RAD51: variants seen among roughly 807,000 people sequenced by gnomAD.
RAD51 encodes DNA repair protein RAD51 homolog 1.
A neutral mutation model predicts 41.5 loss-of-function variants in RAD51; 14 were observed. That is an observed-to-expected ratio of 0.34 (90% CI 0.22 to 0.53). RAD51 has a LOEUF of 0.53. Ranked by LOEUF, RAD51 falls within the 20% of genes least tolerant of loss-of-function variation. RAD51 has a pLI of 0.95. For missense variants in RAD51, 234 were observed against 422.0 expected (o/e 0.55, Z 3.90); for synonymous variants, 136 against 148.6 (o/e 0.92, Z 0.62).
chr15:40,704,670 A>ATT (rs34658879), intron 3 of RAD51, among the ~76,000 whole-genome samples: 1 of 133,314 alleles, frequency 7.5e-6, no homozygotes. Context: ...TGCCCTACTA[A>ATT]TTTTTTTTTT....
At chr15:40,728,657 C>T (rs550745642) in intron 6 of RAD51, 54 bp from the exon 7 acceptor site, 1 of 1,427,588 alleles carries the variant, frequency 7.0e-7, no homozygotes, top group East Asian at 2.3e-5. Context: ...AAACAAATTG[C>T]TCATCTGCCT....
chr15:40,714,521 C>T (rs1045311130), intron 5 of RAD51, among the ~76,000 whole-genome samples: 2 of 152,208 alleles, frequency 1.3e-5, no homozygotes, highest in African/African-American at 4.8e-5. Flanking sequence ...CAGATAATGT[C>T]TGTCAACAAT....
At chr15:40,699,630 G>A (rs1179952623) in intron 2 of RAD51, among the ~76,000 whole-genome samples, 1 of 152,204 alleles carries the variant, frequency 6.6e-6, no homozygotes, top group African/African-American at 2.4e-5. Flanking sequence ...GTGCTGTTCT[G>A]GGAATTATAG....
chr15:40,707,696 G>GT (rs935438661), intron 4 of RAD51, among the ~76,000 whole-genome samples: 27 of 151,394 alleles, frequency 1.8e-4, no homozygotes, highest in Admixed American at 2.6e-4. Context: ...AATTTCGTAT[G>GT]TTTTTTTTTG....
At chr15:40,705,616 G>GT (rs1003117358) in intron 3 of RAD51, among the ~76,000 whole-genome samples, 2 of 152,044 alleles carry the variant, frequency 1.3e-5, no homozygotes, top group African/African-American at 4.8e-5. Flanking sequence ...GTTTTGTTTT[G>GT]TTTTTTGAGA....
chr15:40,718,989 T>C, intron 6 of RAD51, 90 bp downstream of exon 6: 1 of 1,193,078 alleles, frequency 8.4e-7, no homozygotes, highest in South Asian at 1.2e-5. Context: ...ATGTCTCTTC[T>C]ATAACCCCAC....
chr15:40,697,574 C>CTCTT (rs1223345504), intron 1 of RAD51, among the ~76,000 whole-genome samples: 1 of 105,516 alleles, frequency 9.5e-6, no homozygotes, highest in African/African-American at 3.8e-5. Flanking sequence ...GATGATATTT[C>CTCTT]TTTTTTTTTT....
At chr15:40,711,847 G>A (rs1020861575) in intron 5 of RAD51, among the ~76,000 whole-genome samples, 1 of 152,116 alleles carries the variant, frequency 6.6e-6, no homozygotes, top group Non-Finnish European at 1.5e-5. Context: ...GGCCACGGTG[G>A]GTGGATCGCT....
rs188331342 is a variant in RAD51, at chr15:40,729,580, C to G, written c.720C>G (p.Ala240=). ...ACTCGGGTCGAGGTGAGCTTTCAGC[C>G]AGGCAGATGCACTTGGCCAGGTTTC... ...TDYSGRGELS[A]RQMHLARFLR... is the part of the protein sequence containing the mutation. Residue 240 remains alanine, a synonymous_variant, in exon 8 of 10, where the codon GCC becomes GCG. Coordinates refer to ENST00000267868, the MANE Select transcript of RAD51 (RefSeq NM_002875.5). 275 of 1,614,010 alleles carry G rather than the reference C, an allele frequency of 1.7e-4. No individual in the cohort carries two copies. The highest frequency in any genetic ancestry group is 7.8e-4 in the Admixed American group (47 of 59,986).
chr15:40,710,143 G>C (rs951002280), intron 5 of RAD51, among the ~76,000 whole-genome samples: 1 of 150,630 alleles, frequency 6.6e-6, no homozygotes, highest in African/African-American at 2.4e-5. Flanking sequence ...TTGGGAGGCT[G>C]AGGCAGGAGA....
At chr15:40,702,380 G>T (rs561310581) in intron 3 of RAD51, among the ~76,000 whole-genome samples, 67 of 152,234 alleles carry the variant, frequency 4.4e-4, no homozygotes, top group African/African-American at 1.6e-3. Flanking sequence ...TCACTTCTCT[G>T]TTTCTATGAA....
At chr15:40,730,515 T>TTTTTCTTTTCTTTTTTTTC (rs1555429744) in intron 9 of RAD51, among the ~76,000 whole-genome samples, 1 of 117,654 alleles carries the variant, frequency 8.5e-6, no homozygotes, top group Non-Finnish European at 1.6e-5. Flanking sequence ...GAAAAAATTT[T>TTTTTCTTTTCTTTTTTTTC]TTTTCTTTTT....
At chr15:40,730,369 T>C (rs1016851502) in intron 9 of RAD51, among the ~76,000 whole-genome samples, 8 of 151,748 alleles carry the variant, frequency 5.3e-5, no homozygotes, top group African/African-American at 9.7e-5. Flanking sequence ...GCTGGTGTGG[T>C]GGCGTGTGCC....
At chr15:40,706,872 A>G (rs929207370) in intron 4 of RAD51, among the ~76,000 whole-genome samples, 4 of 152,232 alleles carry the variant, frequency 2.6e-5, no homozygotes, top group African/African-American at 9.6e-5. Context: ...CTGTAATTAT[A>G]ACCTACTCTA....
intron 9 of RAD51, among the ~76,000 whole-genome samples, chr15:40,730,511 A>ATTTTCTTTTT (rs1896813962): frequency 1.2e-5 from 1 of 86,092 alleles, no homozygotes; most frequent in African/African-American, 3.7e-5. Flanking sequence ...TCTTGAAAAA[A>ATTTTCTTTTT]TTTTTTTTCT....
chr15:40,704,295 A>G (rs1595984424), intron 3 of RAD51, among the ~76,000 whole-genome samples: 3 of 148,736 alleles, frequency 2.0e-5, no homozygotes, highest in African/African-American at 7.5e-5. Context: ...TGATCTCCTG[A>G]CCTCATGATC....
intron 5 of RAD51, among the ~76,000 whole-genome samples, chr15:40,710,866 CA>C (rs1895671379): frequency 1.3e-5 from 2 of 152,146 alleles, no homozygotes; most frequent in African/African-American, 4.8e-5. Flanking sequence ...CTACTCCTTC[CA>C]TTTTCTCTTG....
intron 6 of RAD51, among the ~76,000 whole-genome samples, chr15:40,725,983 C>A (rs1354286778): frequency 2.6e-5 from 4 of 151,520 alleles, no homozygotes; most frequent in Non-Finnish European, 5.9e-5. Context: ...GAGACTCCAT[C>A]TCAAAAAAAC....
chr15:40,714,594 C>G (rs1170096939), intron 5 of RAD51, among the ~76,000 whole-genome samples: 1 of 152,014 alleles, frequency 6.6e-6, no homozygotes, highest in Non-Finnish European at 1.5e-5. Context: ...GATGGCTGAA[C>G]AACTATATAG....
Sources: allele counts gnomAD v4.1 joint callset (sites outside exome capture counted in the v4.1 genomes callset), GRCh38; gene constraint gnomAD v4.1.1; transcripts MANE v1.5; gene names NCBI Gene and HGNC (gene_info 2026-07-23, HGNC 2026-07-21).